The following LSAMP variants were observed in gnomAD, a reference collection of about 807,000 sequenced individuals.
LSAMP encodes limbic system-associated membrane protein.
Under a neutral mutation model 38.6 loss-of-function variants are expected in LSAMP, and 7 were observed. The ratio of observed to expected loss-of-function variants is 0.18; its 90% CI spans 0.10 to 0.34. The LOEUF is 0.34. Ranked by LOEUF, LSAMP falls within the 10% of genes least tolerant of loss-of-function variation. The pLI is 1.00. For synonymous variants in LSAMP, 154 were observed against 166.8 expected, an observed-to-expected ratio of 0.92 and a Z score of 0.59; for missense variants, 313 against 420.0, an observed-to-expected ratio of 0.75 and a Z score of 2.23.
At chr3:116,334,333 C>T (rs527835607) in intron 1 of LSAMP, among the ~76,000 whole-genome samples, 152 of 152,174 alleles carry the variant, frequency 1.0e-3, no homozygotes, top group African/African-American at 3.4e-3. Flanking sequence ...AACTAACACC[C>T]GTCCTTCTCA....
chr3:115,980,257 C>T (rs1212768692), intron 3 of LSAMP, among the ~76,000 whole-genome samples: 1 of 152,072 alleles, frequency 6.6e-6, no homozygotes, highest in African/African-American at 2.4e-5. Context: ...AGATTTGTTA[C>T]TTAGAGTTTC....
At chr3:116,007,321 A>G (rs545359473) in intron 3 of LSAMP, among the ~76,000 whole-genome samples, 11 of 152,224 alleles carry the variant, frequency 7.2e-5, no homozygotes, top group Non-Finnish European at 1.5e-4. Context: ...GCTTCTCACA[A>G]AGTTTCTTAA....
intron 5 of LSAMP, 126 bp from the exon 6 acceptor site, chr3:115,842,119 G>T: frequency 1.1e-6 from 1 of 944,270 alleles, no homozygotes; most frequent in Non-Finnish European, 1.6e-6. Flanking sequence ...GTTGTTCCAT[G>T]CCCAATTCCT....
At chr3:116,437,449 G>A (rs183857679) in intron 1 of LSAMP, among the ~76,000 whole-genome samples, 1 of 152,186 alleles carries the variant, frequency 6.6e-6, no homozygotes, top group Admixed American at 6.5e-5. Context: ...AGTGGAGGAA[G>A]GAAAACCCAT....
chr3:115,925,410 A>T (rs950434482), intron 3 of LSAMP, among the ~76,000 whole-genome samples: 1 of 152,194 alleles, frequency 6.6e-6, no homozygotes, highest in African/African-American at 2.4e-5. Flanking sequence ...AAGTTAGAAG[A>T]TAGAATTTTT....
intron 1 of LSAMP, among the ~76,000 whole-genome samples, chr3:116,264,613 T>C (rs1451866037): frequency 6.6e-6 from 1 of 152,194 alleles, no homozygotes; most frequent in Non-Finnish European, 1.5e-5. Flanking sequence ...TTTGTTTGTT[T>C]GTTTTTGAGA....
chr3:116,048,590 T>C (rs1398954991), intron 2 of LSAMP, among the ~76,000 whole-genome samples: 1 of 152,226 alleles, frequency 6.6e-6, no homozygotes, highest in East Asian at 1.9e-4. Context: ...ACAAGTCTTT[T>C]GTGTGAGCTA....
At chr3:116,380,405 C>T (rs1033211914) in intron 1 of LSAMP, among the ~76,000 whole-genome samples, 4 of 151,812 alleles carry the variant, frequency 2.6e-5, no homozygotes, top group Non-Finnish European at 4.4e-5. Flanking sequence ...ATAATTATGT[C>T]CTATATTTCC....
At chr3:116,376,992 CCCT>C (rs1210288509) in intron 1 of LSAMP, among the ~76,000 whole-genome samples, 1 of 151,972 alleles carries the variant, frequency 6.6e-6, no homozygotes, top group Non-Finnish European at 1.5e-5. Context: ...TCTTTTATTT[CCCT>C]CTTTATTCCC....
intron 3 of LSAMP, among the ~76,000 whole-genome samples, chr3:116,008,909 A>G (rs1276610571): frequency 6.6e-6 from 1 of 152,176 alleles, no homozygotes; most frequent in Non-Finnish European, 1.5e-5. Context: ...CCAGTGGGTC[A>G]GGGATGGGAC....
At chr3:116,191,944 T>G (rs1199538206) in intron 1 of LSAMP, among the ~76,000 whole-genome samples, 2 of 152,144 alleles carry the variant, frequency 1.3e-5, no homozygotes, top group African/African-American at 2.4e-5. Context: ...AGTAAATTAC[T>G]TAGTAGCCAC....
intron 6 of LSAMP, among the ~76,000 whole-genome samples, chr3:115,819,824 T>C (rs905359202): frequency 7.9e-5 from 12 of 152,318 alleles, no homozygotes; most frequent in African/African-American, 2.6e-4. Flanking sequence ...CATTTTTCTT[T>C]AGGAAAAGAG....
In LSAMP at chr3:116,333,152, C is replaced by A. The variant is rs572384778; in HGVS notation, c.155+111725G>T. Among the ~76,000 whole-genome samples the A allele has an allele frequency of 2.6e-4, 39 of 152,172 alleles. 2 individuals carry two copies. The South Asian group carries it at 6.4e-3, about 25-fold the overall frequency. ...AGATCTACCAGACATATTCAGAATA[C>A]TCTGTCCACTTAACAACGCATATAT... On this transcript the variant is annotated intron_variant, in intron 1 of 6. Coordinates refer to ENST00000490035, the MANE Select transcript of LSAMP (RefSeq NM_002338.5).
chr3:116,407,434 T>C (rs1576199766), intron 1 of LSAMP, among the ~76,000 whole-genome samples: 1 of 152,054 alleles, frequency 6.6e-6, no homozygotes, highest in African/African-American at 2.4e-5. Flanking sequence ...TTCTCAATAG[T>C]AGTAAGGTTT....
At chr3:116,441,546 T>A (rs2049435040) in intron 1 of LSAMP, among the ~76,000 whole-genome samples, 1 of 152,232 alleles carries the variant, frequency 6.6e-6, no homozygotes, top group Admixed American at 6.5e-5. Flanking sequence ...ATACCCTCTA[T>A]TTCTGCTATT....
chr3:116,269,803 G>T (rs1404916521), intron 1 of LSAMP, among the ~76,000 whole-genome samples: 1 of 152,112 alleles, frequency 6.6e-6, no homozygotes, highest in East Asian at 1.9e-4. Context: ...GATCACAAAT[G>T]AATTTGTGCT....
intron 1 of LSAMP, among the ~76,000 whole-genome samples, chr3:116,167,488 T>C (rs1202888291): frequency 1.3e-5 from 2 of 152,218 alleles, no homozygotes; most frequent in African/African-American, 2.4e-5. Flanking sequence ...CAGGATCTCA[T>C]AAAGAGTGTA....
chr3:115,813,100 G>A (rs982857533), intron 6 of LSAMP, among the ~76,000 whole-genome samples: 5 of 151,528 alleles, frequency 3.3e-5, no homozygotes, highest in Non-Finnish European at 5.9e-5. Context: ...TTATTTTCAC[G>A]TGCTATTCTA....
chr3:115,847,528 A>G (rs1043065808), intron 4 of LSAMP, among the ~76,000 whole-genome samples: 60 of 152,188 alleles, frequency 3.9e-4, no homozygotes, highest in South Asian at 2.3e-3. Flanking sequence ...CCAAAATCTC[A>G]TCTCAAATTG....
Sources: allele counts gnomAD v4.1 joint callset (sites outside exome capture counted in the v4.1 genomes callset), GRCh38; gene constraint gnomAD v4.1.1; transcripts MANE v1.5; gene names NCBI Gene and HGNC (gene_info 2026-07-23, HGNC 2026-07-21).